Variants in REPS1 observed in about 807,000 individuals in gnomAD.
REPS1 encodes ralBP1-associated Eps domain-containing protein 1.
In REPS1, 39 loss-of-function variants were observed where a neutral mutation model predicts 100.9. The ratio of observed to expected loss-of-function variants is 0.39; its 90% CI spans 0.30 to 0.50. The LOEUF is 0.50. Among genes scored for constraint, REPS1 ranks in the 20% least tolerant of loss-of-function variants. REPS1 has a pLI of 0.86. For synonymous variants in REPS1, 324 were observed against 340.3 expected, an observed-to-expected ratio of 0.95 and a Z score of 0.53; for missense variants, 821 against 968.5, an observed-to-expected ratio of 0.85 and a Z score of 2.02.
At chr6:138,927,921 T>C (rs1468259342) in intron 9 of REPS1, 2 of 152,226 alleles carry the variant, frequency 1.3e-5, no homozygotes, top group Non-Finnish European at 2.9e-5. Context: ...TAACTAACTG[T>C]GGAGAAAAGT....
At chr6:138,921,855 G>A (rs1016350752) in intron 10 of REPS1, among the ~76,000 whole-genome samples, 1 of 151,930 alleles carries the variant, frequency 6.6e-6, no homozygotes, top group Non-Finnish European at 1.5e-5. Flanking sequence ...GATTACAGGC[G>A]TGAGCCACTG....
intron 1 of REPS1, among the ~76,000 whole-genome samples, chr6:138,969,645 G>A (rs576385488): frequency 1.3e-5 from 2 of 151,878 alleles, no homozygotes; most frequent in Admixed American, 6.6e-5. Flanking sequence ...CTTTGCCATC[G>A]CATGAAACTG....
intron 1 of REPS1, among the ~76,000 whole-genome samples, chr6:138,949,893 G>C (rs902751881): frequency 6.6e-6 from 1 of 152,132 alleles, no homozygotes; most frequent in Non-Finnish European, 1.5e-5. Context: ...GCAGCAGATG[G>C]AGCTGATGAC....
At chr6:138,913,018 T>C in intron 15 of REPS1, 68 bp from the exon 16 acceptor site, 3 of 1,358,906 alleles carry the variant, frequency 2.2e-6, no homozygotes, top group Non-Finnish European at 3.0e-6. Flanking sequence ...AGTCATCTTC[T>C]TCTTCTTCGA....
chr6:138,909,141 T>C (rs972372150), intron 17 of REPS1, among the ~76,000 whole-genome samples: 1 of 152,148 alleles, frequency 6.6e-6, no homozygotes, highest in African/African-American at 2.4e-5. Context: ...ACAAAGGCAG[T>C]CTCCAGAAAT....
chr6:138,908,839 A>C, intron 17 of REPS1, 23 bp from the exon 18 acceptor site: 1 of 1,607,646 alleles, frequency 6.2e-7, no homozygotes, highest in Non-Finnish European at 8.5e-7. Flanking sequence ...AATTCCATTA[A>C]TAATAAGCAT....
rs369442778 is a variant in REPS1 at position 138,935,679 on chromosome 6, C to T, written c.1136-5581G>A. Among the ~76,000 whole-genome samples the T allele has an allele frequency of 5.3e-5, 8 of 152,082 alleles. 1 individual carries two copies. Among genetic ancestry groups the T allele is most frequent in the African/African-American group, 1.2e-4 (5 of 41,480 alleles). On this transcript the variant is annotated intron_variant, in intron 8 of 19. Transcript: ENST00000450536. ...GACCAGTCTGGCCAACATGGTGAAA[C>T]CCCGTCTCTACTAAAAATACAAAAA...
chr6:138,933,881 C>T (rs1781630729), intron 8 of REPS1, among the ~76,000 whole-genome samples: 1 of 151,780 alleles, frequency 6.6e-6, no homozygotes, highest in African/African-American at 2.4e-5. Context: ...TTAAGAATGC[C>T]TAAAGGGGTC....
intron 2 of REPS1, among the ~76,000 whole-genome samples, chr6:138,947,075 T>TCTCTCC (rs1333302241): frequency 1.4e-5 from 2 of 141,444 alleles, no homozygotes; most frequent in African/African-American, 5.2e-5. Flanking sequence ...TCTCTCTCTC[T>TCTCTCC]CCTGTGGCCA....
chr6:138,943,518 A>G lies in REPS1; in HGVS notation c.975T>C (p.His325=), dbSNP rs1444015955. ...KSKLPILELS[H]IWELSDFDKD... The stretch of plus-strand genomic sequence containing the variant: ...TAATGATATACCACACTTACCAAAT[A>G]TGAGAAAGTTCAAGAATAGGAAGTT... The change falls in exon 7 of 20, where the codon CAT becomes CAC. Residue 325 remains histidine (H), a synonymous_variant. Transcript: ENST00000450536. 1.3e-6 allele frequency: 2 copies of G among 1,580,032 alleles called. No homozygotes were observed. The highest frequency in any genetic ancestry group is 2.7e-5 in the African/African-American group (2 of 74,226).
In REPS1 at chr6:138,914,751, CTGT is replaced by C; in HGVS notation, c.1728_1730del (p.Gln577del). The C allele has an allele frequency of 3.1e-6, 5 of 1,610,798 alleles. No homozygotes were observed. Among genetic ancestry groups the C allele is most frequent in the Admixed American group, 1.7e-5 (1 of 59,058 alleles). ...CAGGAGGATGGGCAACAACTCCAGC[CTGT>C]TGTTGTCCTGCATGAATACAAAAGT... On this transcript the variant is annotated inframe_deletion, in exon 15 of 20. Coordinates refer to ENST00000450536, the MANE Select transcript of REPS1 (RefSeq NM_001286611.2).
chr6:138,913,083 AT>A, intron 15 of REPS1, 133 bp from the exon 16 acceptor site: 1 of 624,212 alleles, frequency 1.6e-6, no homozygotes, highest in Non-Finnish European at 2.6e-6. Flanking sequence ...AGAGAGGTGT[AT>A]TATAGTAACA....
intron 12 of REPS1, 169 bp from the exon 13 acceptor site, chr6:138,917,796 A>T: frequency 1.7e-6 from 1 of 574,778 alleles, no homozygotes; most frequent in Non-Finnish European, 3.1e-6. Flanking sequence ...ATTAACTACA[A>T]ATAAATCATG....
chr6:138,929,538 T>A (rs1228298478), intron 9 of REPS1: 1 of 152,908 alleles, frequency 6.5e-6, no homozygotes, highest in Non-Finnish European at 1.5e-5. Context: ...AATCAGTCAC[T>A]TATTTTATCA....
chr6:138,907,311 AAAGT>A (rs1466747086), intron 19 of REPS1, 180 bp downstream of exon 19: 268 of 143,308 alleles, frequency 1.9e-3, no homozygotes, highest in Middle Eastern at 4.4e-3. Context: ...AAAAAAAAAA[AAAGT>A]GTGTGTGTGT....
chr6:138,920,883 C>T (rs1366725179), intron 11 of REPS1, among the ~76,000 whole-genome samples, 154 bp downstream of exon 11: 1 of 152,088 alleles, frequency 6.6e-6, no homozygotes, highest in Non-Finnish European at 1.5e-5. Flanking sequence ...CTTTTAAAAA[C>T]AGCAACATAA....
Position 138,912,768 on chromosome 6 carries a change from C to A in REPS1, c.1968G>T (p.Leu656=). 1 of 1,614,176 alleles carries A rather than the reference C, an allele frequency of 6.2e-7. No homozygotes were observed. Among genetic ancestry groups the A allele is most frequent in the Non-Finnish European group, 8.5e-7 (1 of 1,180,030 alleles). The part of the protein sequence containing the change: ...DDEAEKHPEV[L]PAEKASDPAS... ...AGCCAAGCCCTCGAAAACTGACCGG[C>A]AGGACTTCTGGATGTTTCTCGGCTT... The change falls in exon 16 of 20, where the codon CTG becomes CTT. Residue 656 remains leucine, a synonymous_variant. Transcript: ENST00000450536.
At chr6:138,946,611 G>T (rs994582641) in intron 2 of REPS1, among the ~76,000 whole-genome samples, 1 of 152,088 alleles carries the variant, frequency 6.6e-6, no homozygotes, top group African/African-American at 2.4e-5. Flanking sequence ...CAAACTAGAG[G>T]TCCACAATGA....
chr6:138,971,735 T>C (rs556946695), intron 1 of REPS1, among the ~76,000 whole-genome samples: 15 of 152,294 alleles, frequency 9.8e-5, no homozygotes, highest in African/African-American at 3.1e-4. Flanking sequence ...TCTCTTCTCA[T>C]GCCCAGAATG....
Sources: allele counts gnomAD v4.1 joint callset (sites outside exome capture counted in the v4.1 genomes callset), GRCh38; gene constraint gnomAD v4.1.1; transcripts MANE v1.5; gene names NCBI Gene and HGNC (gene_info 2026-07-23, HGNC 2026-07-21).